Variants in CPSF3 observed in about 807,000 individuals in gnomAD.
The protein encoded by CPSF3 is cleavage and polyadenylation specificity factor subunit 3.
A neutral mutation model predicts 84.1 loss-of-function variants in CPSF3; 57 were observed. The ratio of observed to expected loss-of-function variants is 0.68; its 90% CI spans 0.55 to 0.85. The LOEUF is 0.85. Ranked by LOEUF, CPSF3 falls within the 40% of genes least tolerant of loss-of-function variation. The pLI, the probability that CPSF3 is intolerant of heterozygous loss-of-function variation, is 0.00. For missense variants in CPSF3, 522 were observed against 838.8 expected (o/e 0.62, Z 4.66); for synonymous variants, 275 against 278.1 (o/e 0.99, Z 0.11).
chr2:9,466,952 T>C (rs1682002281), intron 15 of CPSF3, among the ~76,000 whole-genome samples: 1 of 152,240 alleles, frequency 6.6e-6, no homozygotes, highest in Non-Finnish European at 1.5e-5. Context: ...GTTTTATGAA[T>C]AGTGCTACCG....
chr2:9,435,533 T>A (rs1322912895), intron 6 of CPSF3, among the ~76,000 whole-genome samples: 1 of 151,924 alleles, frequency 6.6e-6, no homozygotes, highest in Non-Finnish European at 1.5e-5. Flanking sequence ...GTGATTCTCC[T>A]GCCTCAGCCT....
chr2:9,441,138 A>G (rs759553026), intron 8 of CPSF3, among the ~76,000 whole-genome samples: 1 of 152,198 alleles, frequency 6.6e-6, no homozygotes, highest in Non-Finnish European at 1.5e-5. Context: ...AAACCAAATC[A>G]TCTTTTTGAT....
At chr2:9,446,749 T>C (rs185960147) in intron 10 of CPSF3, among the ~76,000 whole-genome samples, 2 of 150,800 alleles carry the variant, frequency 1.3e-5, no homozygotes, top group African/African-American at 2.5e-5. Flanking sequence ...AGAGTAAGAC[T>C]GTCTCAAAAA....
rs1681194375 is a variant in CPSF3 at position 9,448,352 on chromosome 2, T to G, written c.1395+2T>G. On this transcript the variant is annotated splice_donor_variant, in intron 11 of 17. Coordinates refer to ENST00000238112, the MANE Select transcript of CPSF3 (RefSeq NM_016207.4). LOFTEE classifies it high-confidence loss of function. Reference sequence around the variant, plus strand: ...TTCAGAGGAGAAAAACTAGCCAAGGTAAAAGGTTATGGTTCCTGTCTGTCC... The same window carrying G: ...TTCAGAGGAGAAAAACTAGCCAAGGGAAAAGGTTATGGTTCCTGTCTGTCC... 2 of 1,609,618 alleles carry G rather than the reference T, an allele frequency of 1.2e-6. No homozygotes were observed. The highest frequency in any genetic ancestry group is 1.7e-6 in the Non-Finnish European group (2 of 1,177,746).
chr2:9,437,006 T>C (rs538055839), intron 7 of CPSF3, among the ~76,000 whole-genome samples: 1 of 152,190 alleles, frequency 6.6e-6, no homozygotes, highest in African/African-American at 2.4e-5. Flanking sequence ...CAAAGAAATA[T>C]GTGAGTAAAT....
chr2:9,455,599 TC>T, intron 12 of CPSF3, 59 bp from the exon 13 acceptor site: 1 of 1,164,434 alleles, frequency 8.6e-7, no homozygotes, highest in Admixed American at 2.0e-5. Flanking sequence ...TTTTCTTTGC[TC>T]CTGGTATGTG....
intron 15 of CPSF3, among the ~76,000 whole-genome samples, chr2:9,460,093 T>A (rs1349812190): frequency 6.6e-6 from 1 of 152,198 alleles, no homozygotes; most frequent in Non-Finnish European, 1.5e-5. Flanking sequence ...ATTTTGCTTA[T>A]TTTTGTCCTG....
intron 11 of CPSF3, among the ~76,000 whole-genome samples, chr2:9,452,493 T>C (rs1050927993): frequency 6.6e-6 from 1 of 152,222 alleles, no homozygotes; most frequent in African/African-American, 2.4e-5. Context: ...GCTTTTAGTG[T>C]TAGGTGTACC....
Position 9,423,785 on chromosome 2 carries a change from T to C in CPSF3, c.12T>C (p.Ile4=), listed in dbSNP as rs1336211851. The change falls in exon 1 of 18, where the codon ATT becomes ATC. Residue 4 remains isoleucine (I), a synonymous_variant. Transcript: ENST00000238112. ...CTCACACTTTCGGGATGTCTGCGAT[T>C]CCTGCTGAGGAGAGCGACCAGCTGC... MSA[I]PAEESDQLLI... is the part of the protein sequence containing the mutation. The C allele has an allele frequency of 6.2e-7, 1 of 1,613,522 alleles. No homozygotes were observed. Among genetic ancestry groups the C allele is most frequent in the Non-Finnish European group, 8.5e-7 (1 of 1,179,752 alleles).
At chr2:9,442,745 G>A (rs1217393582) in intron 9 of CPSF3, among the ~76,000 whole-genome samples, 4 of 152,008 alleles carry the variant, frequency 2.6e-5, no homozygotes, top group Non-Finnish European at 5.9e-5. Context: ...CCAGCTACTC[G>A]GGAGGCTGAG....
chr2:9,434,889 C>T lies in CPSF3; in HGVS notation c.609+929C>T, dbSNP rs1374991398. 2.6e-5 allele frequency among the ~76,000 whole-genome samples: 4 copies of T among 152,314 alleles called. No individual in the cohort carries two copies. In the South Asian group the frequency reaches 8.3e-4, roughly 32 times the overall value. On this transcript the variant is annotated intron_variant, in intron 6 of 17. Transcript: ENST00000238112. Reference sequence around the variant, plus strand: ...AGAGTTGTCTGTTTCTCCTCCACCACCTACCATGTTCCCCAGCTGCCCAGG... The same window carrying T: ...AGAGTTGTCTGTTTCTCCTCCACCATCTACCATGTTCCCCAGCTGCCCAGG...
At chr2:9,455,414 A>C (rs2124848965) in intron 12 of CPSF3, among the ~76,000 whole-genome samples, 1 of 152,098 alleles carries the variant, frequency 6.6e-6, no homozygotes, top group South Asian at 2.1e-4. Flanking sequence ...GATTACAGGC[A>C]TGAGCCACCG....
intron 7 of CPSF3, among the ~76,000 whole-genome samples, chr2:9,439,883 G>A (rs932075049): frequency 6.6e-6 from 1 of 152,146 alleles, no homozygotes; most frequent in Non-Finnish European, 1.5e-5. Flanking sequence ...GAAGGCTGAG[G>A]TGGAAGGATC....
At chr2:9,453,056 C>A in intron 12 of CPSF3, 35 bp downstream of exon 12, 1 of 1,270,568 alleles carries the variant, frequency 7.9e-7, no homozygotes, top group Non-Finnish European at 1.1e-6. Flanking sequence ...TCCAACTTCA[C>A]CTTAGCACTG....
At chr2:9,438,107 G>A (rs941700894) in intron 7 of CPSF3, among the ~76,000 whole-genome samples, 1 of 152,246 alleles carries the variant, frequency 6.6e-6, no homozygotes, top group African/African-American at 2.4e-5. Flanking sequence ...TGCCATCTTG[G>A]TGAGGAGGAG....
chr2:9,446,366 G>T (rs1054406488), intron 10 of CPSF3, among the ~76,000 whole-genome samples: 1 of 152,040 alleles, frequency 6.6e-6, no homozygotes, highest in African/African-American at 2.4e-5. Context: ...AGATCACGAG[G>T]TCAGGAGATG....
intron 9 of CPSF3, among the ~76,000 whole-genome samples, chr2:9,442,940 A>T (rs150531356): frequency 2.0e-3 from 305 of 152,186 alleles, no homozygotes; most frequent in Non-Finnish European, 3.4e-3. Context: ...CAGCAGGTGG[A>T]TCACTTGAGC....
At chr2:9,454,980 G>A (rs1681473472) in intron 12 of CPSF3, among the ~76,000 whole-genome samples, 1 of 152,172 alleles carries the variant, frequency 6.6e-6, no homozygotes, top group African/African-American at 2.4e-5. Flanking sequence ...GAGAAACTGT[G>A]CACCTCAGGA....
chr2:9,472,804 A>C, intron 17 of CPSF3, 112 bp from the exon 18 acceptor site: 4 of 771,924 alleles, frequency 5.2e-6, no homozygotes, highest in African/African-American at 1.7e-5. Context: ...ACACGCCACC[A>C]CAGCTGGCTA....
Sources: gnomAD v4.1 joint callset for allele counts (sites outside exome capture counted in the v4.1 genomes callset) on GRCh38, gnomAD v4.1.1 for gene constraint, MANE v1.5 for transcripts, NCBI Gene and HGNC (gene_info 2026-07-23, HGNC 2026-07-21) for gene names.